SDK1: variants seen among roughly 807,000 people sequenced by gnomAD.
SDK1 encodes the protein protein sidekick-1.
SDK1 carries 157 observed loss-of-function variants against 245.5 expected under a neutral mutation model. That is an observed-to-expected ratio of 0.64 (90% confidence interval 0.56 to 0.73). SDK1 has a LOEUF of 0.73. Among genes scored for constraint, SDK1 ranks in the 30% least tolerant of loss-of-function variants. The pLI, the probability that SDK1 is intolerant of heterozygous loss-of-function variation, is 0.00. For synonymous variants in SDK1, 1,647 were observed against 1,278.5 expected (o/e 1.29, Z -6.15); for missense variants, 3,583 against 3,002.3 (o/e 1.19, Z -4.52).
intron 1 of SDK1, among the ~76,000 whole-genome samples, chr7:3,443,384 G>A (rs1384681218): frequency 1.3e-5 from 2 of 152,102 alleles, no homozygotes; most frequent in African/African-American, 4.8e-5. Context: ...TTAAAATTTG[G>A]AATAGTTGAA....
At chr7:3,987,597 C>G (rs1212033432) in intron 14 of SDK1, among the ~76,000 whole-genome samples, 1 of 152,144 alleles carries the variant, frequency 6.6e-6, no homozygotes, top group Non-Finnish European at 1.5e-5. Flanking sequence ...CTGCCCCGCA[C>G]AGTGTCACTC....
chr7:4,131,705 A>T (rs1784831636), intron 27 of SDK1, among the ~76,000 whole-genome samples: 1 of 151,878 alleles, frequency 6.6e-6, no homozygotes, highest in African/African-American at 2.4e-5. Context: ...GTTCCACCAC[A>T]CCTAGCTGCT....
At chr7:3,676,156 G>A (rs944643462) in intron 4 of SDK1, among the ~76,000 whole-genome samples, 4 of 151,404 alleles carry the variant, frequency 2.6e-5, no homozygotes, top group Admixed American at 6.6e-5. Flanking sequence ...TTGTGGAGAC[G>A]GGGTCTCACT....
intron 4 of SDK1, among the ~76,000 whole-genome samples, chr7:3,650,394 GCTTT>G (rs923174388): frequency 2.0e-5 from 3 of 152,136 alleles, no homozygotes; most frequent in Admixed American, 1.3e-4. Context: ...CCACTGTTCT[GCTTT>G]CTGTCTCTAT....
At chr7:3,869,588 C>G (rs578096321) in intron 5 of SDK1, among the ~76,000 whole-genome samples, 1 of 152,328 alleles carries the variant, frequency 6.6e-6, no homozygotes, top group East Asian at 1.9e-4. Context: ...CGTCCTCTTC[C>G]CAGCAGCTCC....
intron 30 of SDK1, among the ~76,000 whole-genome samples, chr7:4,157,451 G>A (rs28727581): frequency 3.1e-4 from 13 of 42,602 alleles, no homozygotes; most frequent in African/African-American, 1.3e-3. Context: ...GGAGGGAAGG[G>A]AGGTGGAAGG....
chr7:3,725,384 A>G (rs144818134), intron 4 of SDK1, among the ~76,000 whole-genome samples: 1,809 of 152,278 alleles, frequency 0.012, 45 homozygotes, highest in African/African-American at 0.041. Context: ...TTGGCAGAGG[A>G]CCTGTTAAGT....
chr7:3,477,387 G>A lies in SDK1; in HGVS notation c.299-141693G>A, dbSNP rs558718698. Among the ~76,000 whole-genome samples the A allele has an allele frequency of 2.6e-5, 4 of 150,978 alleles. No homozygotes were observed. In the East Asian group the frequency reaches 5.9e-4, roughly 22 times the overall value. On this transcript the variant is annotated intron_variant, in intron 1 of 44. Transcript: ENST00000404826. ...ATTTTTGTATTTTTAGTAGAGATGGGGTTTCACCTTGTTGGCCAGGCTGGT... is the reference window on the plus strand; with the variant it reads ...ATTTTTGTATTTTTAGTAGAGATGGAGTTTCACCTTGTTGGCCAGGCTGGT...
At position 3,347,149 on chromosome 7, in the gene SDK1, C is replaced by T. The variant is rs192532310; in HGVS notation, c.298+45265C>T. 8.6e-5 allele frequency among the ~76,000 whole-genome samples: 13 copies of T among 151,882 alleles called. No homozygotes were observed. The South Asian group carries it at 1.7e-3, about 20-fold the overall frequency. On this transcript the variant is annotated intron_variant, in intron 1 of 44. Coordinates refer to ENST00000404826, the MANE Select transcript of SDK1 (RefSeq NM_152744.4). ...GCTTTCACTGCCTCTTGCATCCAGA[C>T]GTTAGCCGGTTAAGTGGAGTTGTAC...
chr7:3,786,743 G>T (rs1054648562), intron 4 of SDK1, among the ~76,000 whole-genome samples: 8 of 152,176 alleles, frequency 5.3e-5, no homozygotes, highest in Admixed American at 1.3e-4. Context: ...GAGAAAAGAG[G>T]CGTGATTTAA....
chr7:3,743,584 A>C (rs987792872), intron 4 of SDK1, among the ~76,000 whole-genome samples: 17 of 152,312 alleles, frequency 1.1e-4, no homozygotes, highest in African/African-American at 4.1e-4. Flanking sequence ...GATACAGAAT[A>C]CCCTAGTACC....
rs10254942 is a variant in SDK1, at chr7:3,883,488, C to G, written c.847+61905C>G. Among the ~76,000 whole-genome samples the G allele has an allele frequency of 6.8e-3, 1,041 of 152,188 alleles. 13 individuals carry two copies. Among genetic ancestry groups the G allele is most frequent in the African/African-American group, 0.024 (992 of 41,522 alleles). ...GTGTGCGGCCCTTCATTATTTGAGG[C>G]CCCTAAAAAATCACGTCGTTGCCAA... On this transcript the variant is annotated intron_variant, in intron 5 of 44. Coordinates refer to ENST00000404826, the MANE Select transcript of SDK1 (RefSeq NM_152744.4).
chr7:3,573,713 G>A (rs1780188619), intron 1 of SDK1, among the ~76,000 whole-genome samples: 2 of 152,098 alleles, frequency 1.3e-5, no homozygotes, highest in African/African-American at 4.8e-5. Context: ...CTAGAAAGCT[G>A]GAGGCTTTCT....
chr7:4,174,479 C>T, intron 33 of SDK1, 122 bp downstream of exon 33: 1 of 1,131,946 alleles, frequency 8.8e-7, no homozygotes. Context: ...GGCAGCCCTG[C>T]CCTCAGGAAC....
intron 19 of SDK1, among the ~76,000 whole-genome samples, chr7:4,065,284 T>G (rs1017880557): frequency 6.6e-6 from 1 of 152,182 alleles, no homozygotes; most frequent in Non-Finnish European, 1.5e-5. Context: ...GTGCTGTAGT[T>G]AGTTCCACAC....
intron 4 of SDK1, among the ~76,000 whole-genome samples, chr7:3,758,932 T>G (rs1411406006): frequency 6.6e-6 from 1 of 152,198 alleles, no homozygotes; most frequent in Non-Finnish European, 1.5e-5. Flanking sequence ...TACAAGTATT[T>G]CTGAGTCTAA....
intron 4 of SDK1, among the ~76,000 whole-genome samples, chr7:3,775,161 T>G (rs1299983834): frequency 6.6e-6 from 1 of 152,234 alleles, no homozygotes; most frequent in African/African-American, 2.4e-5. Flanking sequence ...AATGTGCTAT[T>G]GGTTTTCAGT....
At chr7:3,329,033 C>T (rs1044843141) in intron 1 of SDK1, among the ~76,000 whole-genome samples, 2 of 152,110 alleles carry the variant, frequency 1.3e-5, no homozygotes, top group African/African-American at 2.4e-5. Context: ...TTACGATGTT[C>T]ACCGATGCCG....
In SDK1 at chr7:3,756,217, C is replaced by T. The variant is rs113041855; in HGVS notation, c.714-65233C>T. ...TTCACATGGCATAGCACCTGTGACACATGCATATCTTTGATGCTTTGACCC... is the reference window on the plus strand; with the variant it reads ...TTCACATGGCATAGCACCTGTGACATATGCATATCTTTGATGCTTTGACCC... On this transcript the variant is annotated intron_variant, in intron 4 of 44. Coordinates refer to ENST00000404826, the MANE Select transcript of SDK1 (RefSeq NM_152744.4). Among the ~76,000 whole-genome samples, 489 of 148,850 alleles carry T rather than the reference C, an allele frequency of 3.3e-3. 5 individuals are homozygous for T. Among genetic ancestry groups the T allele is most frequent in the Non-Finnish European group, 4.9e-3 (334 of 67,640 alleles).
Sources: gnomAD v4.1 joint callset for allele counts (sites outside exome capture counted in the v4.1 genomes callset) on GRCh38, gnomAD v4.1.1 for gene constraint, MANE v1.5 for transcripts, NCBI Gene and HGNC (gene_info 2026-07-23, HGNC 2026-07-21) for gene names.